The following PRKCH variants were observed in gnomAD, a reference collection of about 807,000 sequenced individuals.
PRKCH encodes the protein protein kinase C eta type.
In PRKCH, 28 loss-of-function variants were observed where a neutral mutation model predicts 82.5. That is an observed-to-expected ratio of 0.34 (90% CI 0.25 to 0.47). The LOEUF (loss-of-function observed/expected upper bound fraction) is 0.47. Among genes scored for constraint, PRKCH ranks in the 20% least tolerant of loss-of-function variants. The pLI is 1.00. For missense variants in PRKCH, 705 were observed against 881.8 expected (o/e 0.80, Z 2.54); for synonymous variants, 322 against 327.4 (o/e 0.98, Z 0.18).
rs117251027 is a variant in PRKCH at position 61,261,198 on chromosome 14, C to T, written c.-19+73530C>T. 3.6e-3 allele frequency among the ~76,000 whole-genome samples: 542 copies of T among 152,278 alleles called. 5 individuals carry two copies. Among genetic ancestry groups the T allele is most frequent in the East Asian group, 0.031 (163 of 5,192 alleles). On this transcript the variant is annotated intron_variant, in intron 1 of 3. Transcript: ENST00000555185. ...ACTGTTGCCGTCACCAACGCACACA[C>T]GCACATGCACATGCACATGCAAAAA... is the stretch of plus-strand genomic sequence containing the variant.
intron 1 of PRKCH, chr14:61,279,843 C>A: frequency 2.0e-6 from 1 of 510,816 alleles, no homozygotes; most frequent in Non-Finnish European, 3.5e-6. Flanking sequence ...CATGGCAACT[C>A]AGTGTCGTGA....
At chr14:61,394,296 G>T (rs1021805566) in intron 2 of PRKCH, among the ~76,000 whole-genome samples, 1 of 151,976 alleles carries the variant, frequency 6.6e-6, no homozygotes, top group African/African-American at 2.4e-5. Context: ...GTTACAATTT[G>T]GGGGGGTGTT....
chr14:61,383,913 G>A (rs999145919), intron 1 of PRKCH, among the ~76,000 whole-genome samples: 3 of 152,226 alleles, frequency 2.0e-5, no homozygotes, highest in Admixed American at 6.5e-5. Context: ...TGGGAAGGCA[G>A]CAAAAGGGGA....
At chr14:61,228,366 G>A (rs1329536532) in intron 1 of PRKCH, among the ~76,000 whole-genome samples, 1 of 152,148 alleles carries the variant, frequency 6.6e-6, no homozygotes, top group Non-Finnish European at 1.5e-5. Flanking sequence ...CTGTTTATAG[G>A]AGCTTTTTGC....
chr14:61,457,217 G>C lies in PRKCH; in HGVS notation c.1002G>C (p.Glu334Asp). 1 of 1,614,190 alleles carries C rather than the reference G, an allele frequency of 6.2e-7. No individual in the cohort carries two copies. The highest frequency in any genetic ancestry group is 8.5e-7 in the Non-Finnish European group (1 of 1,180,030). Residue 334 changes from glutamate (E) to aspartate (D), a missense_variant, in exon 8 of 14, where the codon GAG becomes GAC. Physicochemically the swap from Glu to Asp is conservative, Grantham distance 45 (BLOSUM62 2). Around this residue, in one of 5 missense-constraint regions of PRKCH, gnomAD observed 238 missense variants for 258.1 expected, o/e 0.92. Coordinates refer to ENST00000332981, the MANE Select transcript of PRKCH (RefSeq NM_006255.5). ...SRSTLRRQGK[E>D]SSKEGNGIGV... Reference sequence around the variant, plus strand: ...CGACCCTAAGACGACAGGGAAAGGAGAGCAGCAAAGAAGGAAATGGGATTG... The same window carrying C: ...CGACCCTAAGACGACAGGGAAAGGACAGCAGCAAAGAAGGAAATGGGATTG...
chr14:61,408,287 A>G (rs1482738535), intron 2 of PRKCH, among the ~76,000 whole-genome samples: 1 of 151,992 alleles, frequency 6.6e-6, no homozygotes, highest in African/African-American at 2.4e-5. Flanking sequence ...GTGGAGAGAG[A>G]AATCTCTTCA....
At chr14:61,426,107 A>G (rs138900531) in intron 2 of PRKCH, among the ~76,000 whole-genome samples, 4,509 of 152,314 alleles carry the variant, frequency 0.03, 236 homozygotes, top group African/African-American at 0.1. Context: ...CAGCAGTGTG[A>G]GAACAGACTA....
intron 1 of PRKCH, among the ~76,000 whole-genome samples, chr14:61,296,855 A>G (rs939300257): frequency 1.3e-5 from 2 of 152,240 alleles, no homozygotes; most frequent in African/African-American, 4.8e-5. Flanking sequence ...TGTAAAGTGC[A>G]TATAAGTTAT....
At chr14:61,492,296 G>A (rs1886480609) in intron 10 of PRKCH, 1 of 152,194 alleles carries the variant, frequency 6.6e-6, no homozygotes, top group Non-Finnish European at 1.5e-5. Context: ...ATCCCTGGAG[G>A]AGCCATCTAT....
intron 1 of PRKCH, among the ~76,000 whole-genome samples, chr14:61,249,988 G>A (rs1029799755): frequency 6.6e-6 from 1 of 151,392 alleles, no homozygotes; most frequent in Non-Finnish European, 1.5e-5. Context: ...GGCTGGGCAC[G>A]GCGGCTCATG....
At chr14:61,446,766 G>A (rs568451142) in intron 4 of PRKCH, among the ~76,000 whole-genome samples, 1 of 152,360 alleles carries the variant, frequency 6.6e-6, no homozygotes, top group African/African-American at 2.4e-5. Context: ...GGGCCTGTGA[G>A]CACAGGAATA....
intron 9 of PRKCH, among the ~76,000 whole-genome samples, chr14:61,462,556 T>TATTTACTGTTGTAAAACTATCCCC (rs1885073572): frequency 6.6e-6 from 1 of 152,244 alleles, no homozygotes; most frequent in South Asian, 2.1e-4. Context: ...TGGAAGTCCT[T>TATTTACTGTTGTAAAACTATCCCC]ATTTACTGTT....
At chr14:61,474,446 A>G (rs1375273394) in intron 9 of PRKCH, among the ~76,000 whole-genome samples, 1 of 152,126 alleles carries the variant, frequency 6.6e-6, no homozygotes, top group Non-Finnish European at 1.5e-5. Flanking sequence ...GGAGATCAAT[A>G]TGTAACCCAG....
chr14:61,388,866 A>G (rs1449336219), intron 1 of PRKCH, among the ~76,000 whole-genome samples: 4 of 152,204 alleles, frequency 2.6e-5, no homozygotes, highest in African/African-American at 9.7e-5. Flanking sequence ...TGGTAACCAC[A>G]TTGGTAACAG....
At chr14:61,188,918 C>T (rs186557943) in intron 1 of PRKCH, among the ~76,000 whole-genome samples, 96 of 152,066 alleles carry the variant, frequency 6.3e-4, no homozygotes, top group Non-Finnish European at 1.1e-3. Context: ...CGGGATTTCA[C>T]CATGTTGATC....
chr14:61,275,438 C>T (rs1308112811), intron 1 of PRKCH, among the ~76,000 whole-genome samples: 3 of 152,226 alleles, frequency 2.0e-5, no homozygotes, highest in East Asian at 1.9e-4. Flanking sequence ...CAGCTTTCAT[C>T]GGTAATGTAA....
chr14:61,279,968 C>T, intron 1 of PRKCH: 4 of 824,486 alleles, frequency 4.9e-6, no homozygotes, highest in Non-Finnish European at 7.5e-6. Flanking sequence ...TATCTGGTCC[C>T]CTCATTCACA....
chr14:61,322,647 C>T, intron 1 of PRKCH, 183 bp downstream of exon 1: 1 of 790,784 alleles, frequency 1.3e-6, no homozygotes. Flanking sequence ...TGTGCAGGCG[C>T]AGGTGTGTCT....
chr14:61,529,516 C>T (rs1273235327), intron 11 of PRKCH, among the ~76,000 whole-genome samples: 1 of 151,552 alleles, frequency 6.6e-6, no homozygotes, highest in Non-Finnish European at 1.5e-5. Context: ...AAATGTCCAA[C>T]AATGATAGAC....
Sources: gnomAD v4.1 joint callset for allele counts (sites outside exome capture counted in the v4.1 genomes callset) on GRCh38, gnomAD v4.1.1 for gene constraint, gnomAD v4.1.1 regional missense constraint, MANE v1.5 for transcripts, NCBI Gene and HGNC (gene_info 2026-07-23, HGNC 2026-07-21) for gene names.